AKAP13: variants seen among roughly 807,000 people sequenced by gnomAD.
AKAP13 encodes the protein A-kinase anchoring protein 13.
Under a neutral mutation model 264.5 loss-of-function variants are expected in AKAP13, and 80 were observed. The ratio of observed to expected loss-of-function variants is 0.30; its 90% CI spans 0.25 to 0.36. The LOEUF (loss-of-function observed/expected upper bound fraction) is 0.36. Among genes scored for constraint, AKAP13 ranks in the 10% least tolerant of loss-of-function variants. The probability of loss-of-function intolerance (pLI) is 1.00; values close to 1 mark genes in which losing one functional copy is unlikely to be tolerated. For missense variants in AKAP13, 3,712 were observed against 3,435.2 expected, an observed-to-expected ratio of 1.08 and a Z score of -2.01; for synonymous variants, 1,380 against 1,250.2, an observed-to-expected ratio of 1.10 and a Z score of -2.19.
At chr15:85,636,927 C>A (rs2082095877) in intron 8 of AKAP13, among the ~76,000 whole-genome samples, 1 of 152,216 alleles carries the variant, frequency 6.6e-6, no homozygotes. Flanking sequence ...AAATTCTTTT[C>A]ATCTAATGAT....
At chr15:85,725,488 C>T (rs2087563579) in intron 26 of AKAP13, among the ~76,000 whole-genome samples, 1 of 152,066 alleles carries the variant, frequency 6.6e-6, no homozygotes, top group South Asian at 2.1e-4. Context: ...GTAGTTTAGC[C>T]TAAAAAAATT....
At position 85,659,010 on chromosome 15, in the gene AKAP13, G is replaced by A. The variant is rs185477414; in HGVS notation, c.4799+420G>A. ...TGTGTGCTTGTGCACAGGCCCTAAA[G>A]TATTGTCAACACATTGTTTAATAAT... On this transcript the variant is annotated intron_variant, in intron 12 of 36. Transcript: ENST00000394518. 6.6e-5 allele frequency among the ~76,000 whole-genome samples: 10 copies of A among 152,100 alleles called. 1 individual carries two copies. The highest frequency in any genetic ancestry group is 6.5e-4 in the Admixed American group (10 of 15,274).
intron 8 of AKAP13, among the ~76,000 whole-genome samples, chr15:85,599,577 T>C (rs1214679835): frequency 6.6e-6 from 1 of 152,168 alleles, no homozygotes; most frequent in Non-Finnish European, 1.5e-5. Context: ...CTTCTAGCTG[T>C]CCCAGAAGGG....
In AKAP13 at chr15:85,727,245, C is replaced by A. The variant is rs757655273; in HGVS notation, c.7002C>A (p.Thr2334=). The A allele has an allele frequency of 1.2e-6, 2 of 1,614,104 alleles. No individual in the cohort carries two copies. The highest frequency in any genetic ancestry group is 1.1e-5 in the South Asian group (1 of 91,080). ...WIQIIQDTIN[T]LNRDEDEGIP... is the part of the protein sequence containing the mutation. ...AGATCATTCAGGACACAATCAACAC[C>A]CTGTAAGTTAACCACCAGGCCCCAC... The change falls in exon 28 of 37, where the codon ACC becomes ACA. Residue 2334 remains threonine, a splice_region_variant and synonymous_variant. Coordinates refer to ENST00000394518, the MANE Select transcript of AKAP13 (RefSeq NM_007200.5). The surrounding 1 kb of genome is among the most constrained non-coding windows in gnomAD (Gnocchi z 5.3).
chr15:85,389,811 G>A (rs1311500422), intron 1 of AKAP13: 8 of 152,222 alleles, frequency 5.3e-5, no homozygotes. Flanking sequence ...ATTATTTTCT[G>A]TCCCCCCGTG....
At chr15:85,544,572 C>T (rs528008121) in intron 5 of AKAP13, among the ~76,000 whole-genome samples, 1 of 152,254 alleles carries the variant, frequency 6.6e-6, no homozygotes, top group East Asian at 1.9e-4. Flanking sequence ...TGTCCTGACT[C>T]TTTAAAGAGT....
At chr15:85,598,461 T>A (rs1157618028) in intron 8 of AKAP13, among the ~76,000 whole-genome samples, 2 of 152,210 alleles carry the variant, frequency 1.3e-5, no homozygotes, top group African/African-American at 2.4e-5. Context: ...AAAAAACATA[T>A]GTCCATGCAC....
rs529618139 is a variant in AKAP13 at position 85,452,491 on chromosome 15, T to C, written c.-11-33219T>C. 3.3e-5 allele frequency among the ~76,000 whole-genome samples: 5 copies of C among 152,312 alleles called. No individual in the cohort carries two copies. The South Asian group carries it at 1.0e-3, about 32-fold the overall frequency. ...TCTTGTGTTGGTTATTTCTCGTCAG[T>C]GTGTGTGGGTATTACTTTAACTGCA... On this transcript the variant is annotated intron_variant, in intron 1 of 36. Transcript: ENST00000394518.
chr15:85,715,308 A>G (rs1453710471), intron 19 of AKAP13, among the ~76,000 whole-genome samples: 2 of 152,150 alleles, frequency 1.3e-5, no homozygotes, highest in Non-Finnish European at 2.9e-5. Context: ...GTGTAGTATA[A>G]CTTATTCACC....
At position 85,642,807 on chromosome 15, in the gene AKAP13, A is replaced by T. The variant is rs117374772; in HGVS notation, c.4238-3011A>T. On this transcript the variant is annotated intron_variant, in intron 9 of 36. Coordinates refer to ENST00000394518, the MANE Select transcript of AKAP13 (RefSeq NM_007200.5). ...AATATCGTGAGCTAGTTTGTTTTCC[A>T]GTCTGGAATTTGGACGTGGTCTGTT... 8.7e-4 allele frequency among the ~76,000 whole-genome samples: 132 copies of T among 152,320 alleles called. 2 individuals carry two copies. In the South Asian group the frequency reaches 0.013, roughly 15 times the overall value.
intron 3 of AKAP13, among the ~76,000 whole-genome samples, chr15:85,526,102 T>G: frequency 6.6e-6 from 1 of 152,192 alleles, no homozygotes; most frequent in Non-Finnish European, 1.5e-5. Context: ...TTTTCACTGA[T>G]AAGGGAGGGT....
chr15:85,463,963 A>G (rs1334671886), intron 1 of AKAP13, among the ~76,000 whole-genome samples: 1 of 152,176 alleles, frequency 6.6e-6, no homozygotes, highest in Non-Finnish European at 1.5e-5. Context: ...TATGCTCAAC[A>G]GCCAGGTAGT....
chr15:85,410,347 C>G (rs776931444), intron 1 of AKAP13, among the ~76,000 whole-genome samples: 4 of 151,554 alleles, frequency 2.6e-5, no homozygotes, highest in Non-Finnish European at 5.9e-5. Context: ...TCGACTTTCA[C>G]CTGGGTCATG....
chr15:85,458,536 T>C (rs571271066), intron 1 of AKAP13, among the ~76,000 whole-genome samples: 142 of 152,038 alleles, frequency 9.3e-4, no homozygotes, highest in African/African-American at 3.4e-3. Flanking sequence ...ATTCTCCTAA[T>C]GTTATATAGA....
Position 85,744,679 on chromosome 15 carries a change from C to T in AKAP13, c.*2C>T, listed in dbSNP as rs11073517. On this transcript the variant is annotated 3_prime_UTR_variant, in exon 37 of 37. Transcript: ENST00000394518. ...GAGGGTGAAGAGATCTTCTGCTGAC[C>T]CTCTTCCTCTCTGCTGAGGCAGCTG... 0.29 allele frequency: 467,061 copies of T among 1,603,052 alleles called. 70,787 individuals are homozygous for T. Among genetic ancestry groups the T allele is most frequent in the Non-Finnish European group, 0.32 (374,239 of 1,174,842 alleles).
intron 1 of AKAP13, among the ~76,000 whole-genome samples, chr15:85,390,350 T>A (rs2070793621): frequency 6.6e-6 from 1 of 152,090 alleles, no homozygotes; most frequent in African/African-American, 2.4e-5. Flanking sequence ...TGAACAGACC[T>A]GAAGAAAGTC....
chr15:85,700,943 C>T (rs962040541), intron 17 of AKAP13, among the ~76,000 whole-genome samples: 1 of 152,314 alleles, frequency 6.6e-6, no homozygotes, highest in East Asian at 1.9e-4. Context: ...TTGCGAATGT[C>T]ATGCACCTCT....
intron 1 of AKAP13, among the ~76,000 whole-genome samples, chr15:85,483,819 A>G (rs2151052829): frequency 6.6e-6 from 1 of 152,284 alleles, no homozygotes; most frequent in African/African-American, 2.4e-5. Context: ...TCAAAAACAA[A>G]CAAACAAAAA....
At chr15:85,735,828 G>T (rs1192311437) in intron 32 of AKAP13, among the ~76,000 whole-genome samples, 198 bp downstream of exon 32, 1 of 152,160 alleles carries the variant, frequency 6.6e-6, no homozygotes, top group East Asian at 1.9e-4. Flanking sequence ...GGCCTCACTG[G>T]CTTAGGGCAG....
Sources: gnomAD v4.1 joint callset for allele counts (sites outside exome capture counted in the v4.1 genomes callset) on GRCh38, gnomAD v4.1.1 for gene constraint, Gnocchi (gnomAD v3.1) non-coding constraint, MANE v1.5 for transcripts, NCBI Gene and HGNC (gene_info 2026-07-23, HGNC 2026-07-21) for gene names.